SLC29A4: variants seen among roughly 807,000 people sequenced by gnomAD.
The protein encoded by SLC29A4 is equilibrative nucleoside transporter 4.
A neutral mutation model predicts 43.9 loss-of-function variants in SLC29A4; 36 were observed. That is an observed-to-expected ratio of 0.82 (90% CI 0.63 to 1.08). The LOEUF (loss-of-function observed/expected upper bound fraction) is 1.08, where lower values mean the gene tolerates loss of function less well. SLC29A4 is among the 50% of genes least tolerant of loss of function. The pLI is 0.00. For synonymous variants in SLC29A4, 491 were observed against 338.0 expected (o/e 1.45, Z -4.97); for missense variants, 869 against 755.3 (o/e 1.15, Z -1.77).
In SLC29A4 at chr7:5,291,233, C is replaced by T. The variant is rs145785340; in HGVS notation, c.411C>T (p.Thr137=). 40 of 1,612,040 alleles carry T rather than the reference C, an allele frequency of 2.5e-5. No homozygotes were observed. The highest frequency in any genetic ancestry group is 4.0e-4 in the Middle Eastern group (2 of 4,998). The change falls in exon 4 of 11, where the codon ACC becomes ACT. Residue 137 remains threonine, a synonymous_variant. Coordinates refer to ENST00000396872, the MANE Select transcript of SLC29A4 (RefSeq NM_153247.4). ...VERLTLHTRI[T]AGYLLALGPL... is the part of the protein sequence containing the mutation. ...GACTGACCCTGCACACCAGGATCACCGCAGGTGCGCTGGGCCCCGCCACGG... is the reference window on the plus strand; with the variant it reads ...GACTGACCCTGCACACCAGGATCACTGCAGGTGCGCTGGGCCCCGCCACGG...
intron 3 of SLC29A4, 73 bp from the exon 4 acceptor site, chr7:5,291,051 A>G: frequency 6.4e-7 from 1 of 1,570,762 alleles, no homozygotes; most frequent in South Asian, 1.1e-5. Flanking sequence ...CCCTTCTGGG[A>G]GGTCTCACCT....
Position 5,303,119 on chromosome 7 carries a change from C to G in SLC29A4, c.*180C>G, listed in dbSNP as rs982089920. The G allele has an allele frequency of 1.6e-5, 12 of 730,948 alleles. No homozygotes were observed. The African/African-American group carries it at 2.1e-4, about 13-fold the overall frequency. 45.3% of individuals were successfully genotyped at this position (730,948 alleles called of 1,614,324 possible). On this transcript the variant is annotated 3_prime_UTR_variant, in exon 11 of 11. Coordinates refer to ENST00000396872, the MANE Select transcript of SLC29A4 (RefSeq NM_153247.4). ...CTGGACTGAAGTTCTGCAAAGTCCT[C>G]CGAGGACCGGAACACGTTTCTGCGA...
At position 5,291,150 on chromosome 7, in the gene SLC29A4, C is replaced by G; in HGVS notation, c.328C>G (p.Leu110Val). 1.2e-6 allele frequency: 2 copies of G among 1,613,966 alleles called. No individual in the cohort carries two copies. The highest frequency in any genetic ancestry group is 8.5e-7 in the Non-Finnish European group (1 of 1,180,030). The change falls in exon 4 of 11, where the codon CTC becomes GTC. Residue 110 changes from leucine to valine, a missense_variant. Coordinates refer to ENST00000396872, the MANE Select transcript of SLC29A4 (RefSeq NM_153247.4). Reference sequence around the variant, plus strand: ...GACCTCCATCGTGTTTGACATGAGCCTCACCTACATCTTGGTGGCACTGGC... The same window carrying G: ...GACCTCCATCGTGTTTGACATGAGCGTCACCTACATCTTGGTGGCACTGGC... ...PGTSIVFDMS[L>V]TYILVALAAV...
At chr7:5,283,538 T>G (rs567432673) in intron 1 of SLC29A4, among the ~76,000 whole-genome samples, 1 of 152,124 alleles carries the variant, frequency 6.6e-6, no homozygotes, top group African/African-American at 2.4e-5. Context: ...GAGCCAACTT[T>G]GCGGCTGATG....
chr7:5,290,753 A>G lies in SLC29A4; in HGVS notation c.191A>G (p.Asp64Gly). The G allele has an allele frequency of 6.2e-7, 1 of 1,612,920 alleles. No homozygotes were observed. Among genetic ancestry groups the G allele is most frequent in the Non-Finnish European group, 8.5e-7 (1 of 1,179,180 alleles). ...TDTTLDEPVP[D>G]DRYHAIYFAM... ...TTAGCATTGGACGAGCCAGTGCCCG[A>G]TGACCGTTATCACGCCATCTACTTT... The change falls in exon 3 of 11, where the codon GAT becomes GGT. Residue 64 changes from aspartate to glycine, a missense_variant. Physicochemically the swap from Asp to Gly is moderately conservative, Grantham distance 94 (BLOSUM62 -1). Coordinates refer to ENST00000396872, the MANE Select transcript of SLC29A4 (RefSeq NM_153247.4).
At chr7:5,286,642 C>A (rs978892299) in intron 1 of SLC29A4, among the ~76,000 whole-genome samples, 1 of 152,176 alleles carries the variant, frequency 6.6e-6, no homozygotes, top group African/African-American at 2.4e-5. Flanking sequence ...TAGCTCCTTC[C>A]TTTCCTCCCG....
At chr7:5,288,944 G>A (rs1360074634) in intron 2 of SLC29A4, among the ~76,000 whole-genome samples, 1 of 152,140 alleles carries the variant, frequency 6.6e-6, no homozygotes, top group Non-Finnish European at 1.5e-5. Flanking sequence ...GTGACCCTCG[G>A]TGTCTTCTTC....
At position 5,283,099 on chromosome 7, in the gene SLC29A4, G is replaced by GGACGCGGGGA. The variant is rs1784744816; in HGVS notation, c.-9+23_-9+32dup. The GGACGCGGGGA allele has an allele frequency of 6.7e-6, 1 of 148,908 alleles. No individual in the cohort carries two copies. Among genetic ancestry groups the GGACGCGGGGA allele is most frequent in the Admixed American group, 6.7e-5 (1 of 14,992 alleles). 9.2% of individuals were successfully genotyped at this position (148,908 alleles called of 1,614,324 possible). On this transcript the variant is annotated intron_variant, in intron 1 of 10. Coordinates refer to ENST00000396872, the MANE Select transcript of SLC29A4 (RefSeq NM_153247.4). ...CGGGCCGAGGTAAGCGGTGGCCGCG[G>GGACGCGGGGA]GACGCGGGGAGACGCCGGCGGGGAC...
At chr7:5,291,902 G>C in intron 5 of SLC29A4, 81 bp downstream of exon 5, 1 of 1,533,112 alleles carries the variant, frequency 6.5e-7, no homozygotes, top group Non-Finnish European at 8.8e-7. Context: ...TCCTGCTGGT[G>C]GCATGTGACA....
chr7:5,297,271 C>T (rs1785773389), intron 7 of SLC29A4, 73 bp downstream of exon 7: 7 of 1,430,980 alleles, frequency 4.9e-6, no homozygotes, highest in East Asian at 2.5e-5. Flanking sequence ...TCGGGAAGTA[C>T]CTGGGGCCCA....
chr7:5,290,667 C>A, intron 2 of SLC29A4, 65 bp from the exon 3 acceptor site: 1 of 1,554,880 alleles, frequency 6.4e-7, no homozygotes, highest in East Asian at 2.3e-5. Context: ...GTGGACATCG[C>A]CCTGTGCGGT....
rs562413067 is a variant in SLC29A4 at position 5,302,567 on chromosome 7, G to C, written c.1451-230G>C. On this transcript the variant is annotated intron_variant, in intron 10 of 10. Coordinates refer to ENST00000396872, the MANE Select transcript of SLC29A4 (RefSeq NM_153247.4). ...TTAAATTTTAAAAATGGGGGCTTGG[G>C]GGACTCAGAGAAGGCAGGCAAGGCC... 7.2e-5 allele frequency among the ~76,000 whole-genome samples: 11 copies of C among 152,312 alleles called. No homozygotes were observed. The South Asian group carries it at 2.3e-3, about 32-fold the overall frequency.
intron 1 of SLC29A4, among the ~76,000 whole-genome samples, chr7:5,285,067 C>T (rs746558894): frequency 1.1e-4 from 17 of 152,180 alleles, no homozygotes; most frequent in Non-Finnish European, 2.2e-4. Context: ...GACACCATCC[C>T]CTTTCCTGGC....
intron 1 of SLC29A4, among the ~76,000 whole-genome samples, chr7:5,283,345 C>T (rs1179443960): frequency 6.8e-6 from 1 of 145,986 alleles, no homozygotes; most frequent in Non-Finnish European, 1.5e-5. Context: ...CTGAGCACCG[C>T]GCGGGGGTCC....
At position 5,287,917 on chromosome 7, in the gene SLC29A4, AGGAGGCGGC is replaced by A. The variant is rs777288431; in HGVS notation, c.111_119del (p.Glu38_Ala40del). The A allele has an allele frequency of 2.5e-5, 41 of 1,611,986 alleles. No individual in the cohort carries two copies. The East Asian group carries it at 3.1e-4, about 12-fold the overall frequency. ...TTCACCTTCGACAGTCACCAGCTGG[AGGAGGCGGC>A]GGAGGCGGCTCAGGGCCAGGGCCTT... is the stretch of plus-strand genomic sequence containing the variant. On this transcript the variant is annotated inframe_deletion, in exon 2 of 11. Transcript: ENST00000396872.
At position 5,298,968 on chromosome 7, in the gene SLC29A4, C is replaced by A; in HGVS notation, c.883-20C>A. 6.2e-7 allele frequency: 1 copy of A among 1,603,650 alleles called. No individual in the cohort carries two copies. The highest frequency in any genetic ancestry group is 8.5e-7 in the Non-Finnish European group (1 of 1,178,128). ...TCCTCCCTTCCACTCCAACCCCATC[C>A]CACTCCATCCTCCCTCCAGGAGCAC... On this transcript the variant is annotated intron_variant, in intron 7 of 10. Transcript: ENST00000396872.
At position 5,291,891 on chromosome 7, in the gene SLC29A4, C is replaced by T. The variant is rs181565531; in HGVS notation, c.544+70C>T. On this transcript the variant is annotated intron_variant, in intron 5 of 10. Coordinates refer to ENST00000396872, the MANE Select transcript of SLC29A4 (RefSeq NM_153247.4). Reference sequence around the variant, plus strand: ...GACCCCATCCCACCCCAGCCCTGGTCTCCTGCTGGTGGCATGTGACATGAT... The same window carrying T: ...GACCCCATCCCACCCCAGCCCTGGTTTCCTGCTGGTGGCATGTGACATGAT... 9.1e-6 allele frequency: 14 copies of T among 1,546,052 alleles called. No homozygotes were observed. The East Asian group carries it at 2.7e-4, about 30-fold the overall frequency.
In SLC29A4 at chr7:5,300,414, C is replaced by T. The variant is rs748547692; in HGVS notation, c.1210-8C>T. 8.1e-6 allele frequency: 13 copies of T among 1,611,096 alleles called. No individual in the cohort carries two copies. Among genetic ancestry groups the T allele is most frequent in the Non-Finnish European group, 1.1e-5 (13 of 1,179,680 alleles). ...GGACAGGGCGCCCACTTGCCTGGCT[C>T]TCTGCAGATCCTGGCAGCCCTGCCC... On this transcript the variant is annotated splice_polypyrimidine_tract_variant and splice_region_variant and intron_variant, in intron 9 of 10. Coordinates refer to ENST00000396872, the MANE Select transcript of SLC29A4 (RefSeq NM_153247.4).
intron 9 of SLC29A4, among the ~76,000 whole-genome samples, 194 bp downstream of exon 9, chr7:5,299,621 G>T (rs1321552391): frequency 6.6e-6 from 1 of 152,212 alleles, no homozygotes; most frequent in Non-Finnish European, 1.5e-5. Context: ...CCACTGGGGC[G>T]CTCCGGAGTG....
Sources: allele counts gnomAD v4.1 joint callset (sites outside exome capture counted in the v4.1 genomes callset), GRCh38; gene constraint gnomAD v4.1.1; transcripts MANE v1.5; gene names NCBI Gene and HGNC (gene_info 2026-07-23, HGNC 2026-07-21).